Variants in BAZ1B observed in about 807,000 individuals in gnomAD.
BAZ1B encodes tyrosine-protein kinase BAZ1B.
Under a neutral mutation model 153.8 loss-of-function variants are expected in BAZ1B, and 22 were observed. The ratio of observed to expected loss-of-function variants is 0.14; its 90% CI spans 0.10 to 0.20. The LOEUF (loss-of-function observed/expected upper bound fraction) is 0.20, where lower values mean the gene tolerates loss of function less well. BAZ1B is among the 10% of genes least tolerant of loss of function. The pLI, the probability that BAZ1B is intolerant of heterozygous loss-of-function variation, is 1.00. For missense variants in BAZ1B, 1,325 were observed against 1,799.3 expected (o/e 0.74, Z 4.77); for synonymous variants, 676 against 633.4 (o/e 1.07, Z -1.01).
chr7:73,509,303 C>G (rs1463442317), intron 2 of BAZ1B, among the ~76,000 whole-genome samples: 2 of 152,224 alleles, frequency 1.3e-5, no homozygotes, highest in African/African-American at 4.8e-5. Flanking sequence ...GCCTGGGCAA[C>G]AGAGAGAGAC....
chr7:73,475,637 G>T, intron 7 of BAZ1B, among the ~76,000 whole-genome samples: 1 of 152,062 alleles, frequency 6.6e-6, no homozygotes. Flanking sequence ...ATGGTGGCTG[G>T]CCCGGCATGG....
chr7:73,441,131 C>T lies in BAZ1B; in HGVS notation c.*578G>A, dbSNP rs1377233821. The T allele has an allele frequency of 7.2e-5, 11 of 152,660 alleles. No individual in the cohort carries two copies. Among genetic ancestry groups the T allele is most frequent in the African/African-American group, 2.7e-4 (11 of 41,448 alleles). 9.5% of individuals were successfully genotyped at this position (152,660 alleles called of 1,614,324 possible). On this transcript the variant is annotated 3_prime_UTR_variant, in exon 20 of 20. Transcript: ENST00000339594. ...GCTCCCCCTCCAATGTTGCTGCTTG[C>T]CTCAATGAGCCTCCAACCCAACTGC... is the stretch of plus-strand genomic sequence containing the variant.
At chr7:73,465,242 A>G (rs1788537723) in intron 11 of BAZ1B, among the ~76,000 whole-genome samples, 197 bp downstream of exon 11, 1 of 152,196 alleles carries the variant, frequency 6.6e-6, no homozygotes, top group South Asian at 2.1e-4. Context: ...GCTACTCTAT[A>G]TATAGATGGC....
At chr7:73,495,685 G>A (rs1037872719) in intron 4 of BAZ1B, among the ~76,000 whole-genome samples, 4 of 152,156 alleles carry the variant, frequency 2.6e-5, no homozygotes, top group South Asian at 2.1e-4. Flanking sequence ...ATACACCATG[G>A]AATACTATGC....
chr7:73,471,537 T>C (rs143727539), intron 7 of BAZ1B, among the ~76,000 whole-genome samples: 1,911 of 152,248 alleles, frequency 0.013, 43 homozygotes, highest in African/African-American at 0.044. Flanking sequence ...TTTTTAGAGA[T>C]AGGGTCTTAC....
intron 16 of BAZ1B, among the ~76,000 whole-genome samples, chr7:73,446,599 A>G (rs1280013544): frequency 1.3e-5 from 2 of 152,064 alleles, no homozygotes; most frequent in African/African-American, 2.4e-5. Context: ...GAGGCTGCTA[A>G]AAGAAAGGCT....
At chr7:73,489,153 G>C (rs1789535082) in intron 6 of BAZ1B, 41 bp downstream of exon 6, 1 of 1,572,940 alleles carries the variant, frequency 6.4e-7, no homozygotes, top group Non-Finnish European at 8.7e-7. Flanking sequence ...GAGAAATAAT[G>C]ATGCTTTATC....
At position 73,476,453 on chromosome 7, in the gene BAZ1B, A is replaced by T. The variant is rs75868988; in HGVS notation, c.2593+415T>A. 4.7e-3 allele frequency among the ~76,000 whole-genome samples: 713 copies of T among 152,286 alleles called. 14 individuals carry two copies. Among genetic ancestry groups the T allele is most frequent in the East Asian group, 0.04 (207 of 5,174 alleles). On this transcript the variant is annotated intron_variant, in intron 7 of 19. Coordinates refer to ENST00000339594, the MANE Select transcript of BAZ1B (RefSeq NM_032408.4). ...AGGGGCTTCAAATACCTTGTCAATC[A>T]ATTTTACAACAATCTTATCAAGCAT...
At chr7:73,510,306 G>A (rs1790527573) in intron 2 of BAZ1B, among the ~76,000 whole-genome samples, 1 of 151,978 alleles carries the variant, frequency 6.6e-6, no homozygotes, top group East Asian at 1.9e-4. Context: ...GCGAGCACCT[G>A]TAGTCCCAGC....
intron 1 of BAZ1B, among the ~76,000 whole-genome samples, chr7:73,516,792 A>C (rs1406714343): frequency 6.6e-6 from 1 of 150,830 alleles, no homozygotes; most frequent in East Asian, 1.9e-4. Flanking sequence ...AAAAAAAAAA[A>C]AAAAAAACAA....
chr7:73,454,883 G>C (rs1788136775), intron 13 of BAZ1B, among the ~76,000 whole-genome samples: 1 of 151,558 alleles, frequency 6.6e-6, no homozygotes. Context: ...TTGAGACGGA[G>C]TCTCGCTCTG....
intron 11 of BAZ1B, 35 bp downstream of exon 11, chr7:73,465,404 A>G: frequency 6.6e-6 from 9 of 1,365,666 alleles, no homozygotes; most frequent in Non-Finnish European, 9.1e-6. Flanking sequence ...GCTAAAGAGA[A>G]GTAAGATGTG....
rs1280124659 is a variant in BAZ1B at position 73,522,004 on chromosome 7, C to T, written c.-71G>A. The T allele has an allele frequency of 6.3e-6, 6 of 948,438 alleles. No homozygotes were observed. The highest frequency in any genetic ancestry group is 8.1e-6 in the Non-Finnish European group (6 of 741,330). The allele number at this position is 948,438 out of a possible 1,614,324, so 58.8% of individuals were successfully genotyped here. A position where few individuals can be genotyped will look rare whatever the true frequency, so the allele number is the denominator to read the frequency against. On this transcript the variant is annotated 5_prime_UTR_variant, in exon 1 of 20. Transcript: ENST00000339594. ...CGGCGCAGCACTAGGCCCCGCGGCC[C>T]GGAGCGAGCGCCAGGCGCCCGGGGG...
chr7:73,520,949 C>G (rs1583968180), intron 1 of BAZ1B, among the ~76,000 whole-genome samples: 2 of 151,380 alleles, frequency 1.3e-5, no homozygotes, highest in South Asian at 4.2e-4. Flanking sequence ...TCTTCTGGCA[C>G]CCATTAAAAA....
At position 73,464,009 on chromosome 7, in the gene BAZ1B, CTCTG is replaced by C. The variant is rs1282045448; in HGVS notation, c.3072-914_3072-911del. On this transcript the variant is annotated intron_variant, in intron 11 of 19. Coordinates refer to ENST00000339594, the MANE Select transcript of BAZ1B (RefSeq NM_032408.4). ...GCGTGAGCCACCGCGGCCGGCCCTC[CTCTG>C]TCTTTCTTAATTTGCCTAGACACAT... 2.2e-4 allele frequency: 147 copies of C among 663,052 alleles called. 1 individual carries two copies. The highest frequency in any genetic ancestry group is 5.5e-4 in the East Asian group (4 of 7,300). The allele number at this position is 663,052 out of a possible 1,614,324, so 41.1% of individuals were successfully genotyped here. A position where few individuals can be genotyped will look rare whatever the true frequency, so the allele number is the denominator to read the frequency against.
At chr7:73,506,627 A>G (rs1790353490) in intron 3 of BAZ1B, among the ~76,000 whole-genome samples, 1 of 151,732 alleles carries the variant, frequency 6.6e-6, no homozygotes, top group African/African-American at 2.4e-5. Flanking sequence ...TGAAGTAGGC[A>G]TATCACCCGA....
chr7:73,518,563 A>T (rs912074642), intron 1 of BAZ1B, among the ~76,000 whole-genome samples: 3 of 152,222 alleles, frequency 2.0e-5, no homozygotes, highest in Admixed American at 2.0e-4. Flanking sequence ...GCTCTAAGGC[A>T]GACGCAGTAG....
At chr7:73,499,216 C>T (rs797029763) in intron 3 of BAZ1B, among the ~76,000 whole-genome samples, 10 of 152,108 alleles carry the variant, frequency 6.6e-5, no homozygotes, top group African/African-American at 1.9e-4. Context: ...TTAGTAGAGA[C>T]GAGGTTTCAC....
At position 73,478,126 on chromosome 7, in the gene BAZ1B, T is replaced by G; in HGVS notation, c.1335A>C (p.Lys445Asn). Residue 445 changes from lysine (K) to asparagine (N), a missense_variant, in exon 7 of 20, where the codon AAA (lysine) becomes AAC (asparagine). Physicochemically the swap from Lys to Asn is moderately conservative, Grantham distance 94. Transcript: ENST00000339594. ...GGGCTCGTGTCATCTTCTGCGTGCC[T>G]TTGGCCATATCCAACAAAGTCATCT... ...MKQMTLLDMA[K>N]GTQKMTRAPR... The G allele has an allele frequency of 3.1e-6, 5 of 1,614,208 alleles. No individual in the cohort carries two copies. Among genetic ancestry groups the G allele is most frequent in the Non-Finnish European group, 4.2e-6 (5 of 1,180,042 alleles).
Sources: gnomAD v4.1 joint callset for allele counts (sites outside exome capture counted in the v4.1 genomes callset) on GRCh38, gnomAD v4.1.1 for gene constraint, MANE v1.5 for transcripts, NCBI Gene and HGNC (gene_info 2026-07-23, HGNC 2026-07-21) for gene names.